Variants in KCNG4 observed in about 807,000 individuals in gnomAD.
KCNG4 encodes voltage-gated potassium channel regulatory subunit KCNG4.
A neutral mutation model predicts 28.2 loss-of-function variants in KCNG4; 30 were observed. The observed-to-expected ratio is 1.06, with a 90% CI of 0.80 to 1.44. The LOEUF is 1.44. Among genes scored for constraint, KCNG4 ranks in the 40% most tolerant of loss-of-function variants. The pLI is 0.00. For synonymous variants in KCNG4, 375 were observed against 315.5 expected (o/e 1.19, Z -2.00); for missense variants, 879 against 712.3 (o/e 1.23, Z -2.66).
intron 1 of KCNG4, 141 bp from the exon 2 acceptor site, chr16:84,237,666 G>T: frequency 2.0e-6 from 1 of 502,104 alleles, no homozygotes. Context: ...TTAACCTTTA[G>T]TTCAACACAT....
intron 2 of KCNG4, among the ~76,000 whole-genome samples, chr16:84,228,605 G>A (rs556412368): frequency 1.5e-4 from 9 of 61,180 alleles, no homozygotes; most frequent in Non-Finnish European, 2.5e-4. Flanking sequence ...AGGTCTCCCC[G>A]CCACCCCCCC....
rs140546067 is a variant in KCNG4, at chr16:84,222,430, C to T, written c.1347G>A (p.Pro449=). 118 of 1,613,986 alleles carry T rather than the reference C, an allele frequency of 7.3e-5. No individual in the cohort carries two copies. Among genetic ancestry groups the T allele is most frequent in the Middle Eastern group, 4.9e-4 (3 of 6,084 alleles). Residue 449 remains proline (P), a synonymous_variant, in exon 3 of 3, where the codon CCG becomes CCA. Transcript: ENST00000308251. ...AGAAGGTGTGGAAGATAGACGTGGC[C>T]GGGAAGGCCATGATGAGGATCCCGC... The part of the protein sequence containing the change: ...ILSGILIMAF[P]ATSIFHTFSH...
At chr16:84,234,716 C>A (rs1441780442) in intron 2 of KCNG4, among the ~76,000 whole-genome samples, 1 of 152,158 alleles carries the variant, frequency 6.6e-6, no homozygotes, top group African/African-American at 2.4e-5. Flanking sequence ...AGGACACTGG[C>A]CCCAAACTCA....
In KCNG4 at chr16:84,222,745, G is replaced by T. The variant is rs754147799; in HGVS notation, c.1032C>A (p.Ile344=). The T allele has an allele frequency of 2.5e-6, 4 of 1,612,614 alleles. No homozygotes were observed. Among genetic ancestry groups the T allele is most frequent in the Non-Finnish European group, 3.4e-6 (4 of 1,179,388 alleles). The change falls in exon 3 of 3, where the codon ATC becomes ATA. Residue 344 remains isoleucine (I), a synonymous_variant. Transcript: ENST00000308251. The part of the protein sequence containing the change: ...LVLRVLRALR[I]LYVMRLARHS... ...GGCGAGCCAGGCGCATCACGTAGAG[G>T]ATGCGCAGCGCTCGCAGCACACGCA... is the stretch of plus-strand genomic sequence containing the variant.
In KCNG4 at chr16:84,226,081, C is replaced by G. The variant is rs1274862408; in HGVS notation, c.757-3061G>C. Among the ~76,000 whole-genome samples, 2 of 152,220 alleles carry G rather than the reference C, an allele frequency of 1.3e-5. No individual in the cohort carries two copies. The highest frequency in any genetic ancestry group is 4.8e-5 in the African/African-American group (2 of 41,450). On this transcript the variant is annotated intron_variant, in intron 2 of 2. Transcript: ENST00000308251. This position sits in a 1 kb window ranked among gnomAD's most constrained non-coding sequence, Gnocchi z 4.1. The stretch of plus-strand genomic sequence containing the variant: ...TTCCGGGTCCTAGGAACCCCCTGGG[C>G]CCTGGGCACACCGGGATGGTTGGTC...
intron 2 of KCNG4, among the ~76,000 whole-genome samples, chr16:84,225,911 G>T (rs1904685653): frequency 6.6e-6 from 1 of 152,248 alleles, no homozygotes; most frequent in Admixed American, 6.5e-5. Flanking sequence ...GCTGGCATTG[G>T]GGCAGGGGGT....
chr16:84,228,323 C>T (rs1162046676), intron 2 of KCNG4, among the ~76,000 whole-genome samples: 1 of 152,212 alleles, frequency 6.6e-6, no homozygotes, highest in Non-Finnish European at 1.5e-5. Flanking sequence ...GCTCCTTAGT[C>T]AGGGCTGGTC....
At chr16:84,223,596 C>T (rs1904630188) in intron 2 of KCNG4, among the ~76,000 whole-genome samples, 2 of 152,192 alleles carry the variant, frequency 1.3e-5, no homozygotes, top group African/African-American at 2.4e-5. Context: ...CCTGCTGTCA[C>T]TCAAGCCACA....
At position 84,237,473 on chromosome 16, in the gene KCNG4, A is replaced by G; in HGVS notation, c.13T>C (p.Ser5Pro). Reference sequence around the variant, plus strand: ...CTGGGATGCAGGCCCCCGTCTCTGGAAGGCATGGGCATTGCTGAAGACCAC... The same window carrying G: ...CTGGGATGCAGGCCCCCGTCTCTGGGAGGCATGGGCATTGCTGAAGACCAC... MPMP[S>P]RDGGLHPRHH... The change falls in exon 2 of 3, where the codon TCC becomes CCC. Residue 5 changes from serine (S) to proline (P), a missense_variant. Ser to Pro is a moderately conservative substitution (Grantham distance 74). Transcript: ENST00000308251. 1 of 1,499,264 alleles carries G rather than the reference A, an allele frequency of 6.7e-7. No homozygotes were observed. The highest frequency in any genetic ancestry group is 8.9e-7 in the Non-Finnish European group (1 of 1,124,680). 92.9% of individuals were successfully genotyped at this position (1,499,264 alleles called of 1,614,324 possible). A position where few individuals can be genotyped will look rare whatever the true frequency, so the allele number is the denominator to read the frequency against.
chr16:84,234,339 A>T (rs1904893111), intron 2 of KCNG4, among the ~76,000 whole-genome samples: 1 of 151,224 alleles, frequency 6.6e-6, no homozygotes, highest in South Asian at 2.1e-4. Flanking sequence ...CACCTGGCTA[A>T]TTTTTTTTTG....
At position 84,237,077 on chromosome 16, in the gene KCNG4, C is replaced by CCTGCTT; in HGVS notation, c.408_409insAAGCAG (p.Gln136_Glu137insLysGln). The CCTGCTT allele has an allele frequency of 6.2e-7, 1 of 1,614,114 alleles. No homozygotes were observed. The highest frequency in any genetic ancestry group is 8.5e-7 in the Non-Finnish European group (1 of 1,180,016). On this transcript the variant is annotated inframe_insertion, in exon 2 of 3. Coordinates refer to ENST00000308251, the MANE Select transcript of KCNG4 (RefSeq NM_172347.3). Reference sequence around the variant, plus strand: ...TCCTGGAAGGACAGCGCGCACATCTCCTGCAGAAGCACCAGCTTCCCGGCC... The same window carrying CCTGCTT: ...TCCTGGAAGGACAGCGCGCACATCTCCTGCTTCTGCAGAAGCACCAGCTTCCCGGCC...
At chr16:84,233,675 C>G (rs1904877433) in intron 2 of KCNG4, among the ~76,000 whole-genome samples, 1 of 151,174 alleles carries the variant, frequency 6.6e-6, no homozygotes, top group Non-Finnish European at 1.5e-5. Context: ...CCACTGCACA[C>G]TAGCTTGGTG....
At chr16:84,225,289 C>A (rs900687831) in intron 2 of KCNG4, among the ~76,000 whole-genome samples, 5 of 152,052 alleles carry the variant, frequency 3.3e-5, no homozygotes, top group Admixed American at 6.6e-5. Flanking sequence ...GATTCCCCAG[C>A]CCTGCTACAA....
chr16:84,239,134 G>C (rs551782280), intron 1 of KCNG4, among the ~76,000 whole-genome samples: 1 of 152,138 alleles, frequency 6.6e-6, no homozygotes, highest in Non-Finnish European at 1.5e-5. Context: ...CAGTGGAACG[G>C]AAATCAAAGT....
chr16:84,238,132 TTAA>T (rs1436109039), intron 1 of KCNG4, among the ~76,000 whole-genome samples: 2 of 152,168 alleles, frequency 1.3e-5, no homozygotes, highest in African/African-American at 2.4e-5. Context: ...AAAGTGTGTA[TTAA>T]TAATACTTCT....
At chr16:84,231,227 G>T (rs1904820018) in intron 2 of KCNG4, among the ~76,000 whole-genome samples, 1 of 152,196 alleles carries the variant, frequency 6.6e-6, no homozygotes, top group African/African-American at 2.4e-5. Context: ...GCTGGGTGAG[G>T]AAATAGAGGC....
At chr16:84,224,153 C>T (rs1904642802) in intron 2 of KCNG4, among the ~76,000 whole-genome samples, 1 of 152,244 alleles carries the variant, frequency 6.6e-6, no homozygotes, top group East Asian at 1.9e-4. Context: ...TCATATTCTG[C>T]AGTTAACAAG....
rs374643753 is a variant in KCNG4, at chr16:84,222,247, C to T, written c.1530G>A (p.Glu510=). 3 of 1,614,052 alleles carry T rather than the reference C, an allele frequency of 1.9e-6. No homozygotes were observed. In the African/African-American group the frequency reaches 4.0e-5, roughly 22 times the overall value. The part of the protein sequence containing the change: ...LMNDVNDLIL[E]GPALPIMHM The stretch of plus-strand genomic sequence containing the variant: ...TGTGCATGATAGGCAAGGCTGGGCC[C>T]TCCAGGATTAGGTCATTGACATCGT... The change falls in exon 3 of 3, where the codon GAG becomes GAA. Residue 510 remains glutamate, a synonymous_variant. Transcript: ENST00000308251.
chr16:84,238,768 T>C (rs1424006610), intron 1 of KCNG4, among the ~76,000 whole-genome samples: 1 of 152,080 alleles, frequency 6.6e-6, no homozygotes, highest in Non-Finnish European at 1.5e-5. Context: ...CTCGGGAGGC[T>C]GAGGCAGGAG....
Sources: allele counts gnomAD v4.1 joint callset (sites outside exome capture counted in the v4.1 genomes callset), GRCh38; gene constraint gnomAD v4.1.1; non-coding constraint Gnocchi (gnomAD v3.1); transcripts MANE v1.5; gene names NCBI Gene and HGNC (gene_info 2026-07-23, HGNC 2026-07-21).